The following STAMBP variants were observed in gnomAD, a reference collection of about 807,000 sequenced individuals.
STAMBP encodes STAM binding protein.
STAMBP carries 31 observed loss-of-function variants against 50.7 expected under a neutral mutation model. That is an observed-to-expected ratio of 0.61 (90% CI 0.46 to 0.83). STAMBP has a LOEUF of 0.83. Among genes scored for constraint, STAMBP ranks in the 40% least tolerant of loss-of-function variants. The probability of loss-of-function intolerance (pLI) is 0.00; values close to 1 mark genes in which losing one functional copy is unlikely to be tolerated. For synonymous variants in STAMBP, 211 were observed against 192.4 expected, an observed-to-expected ratio of 1.10 and a Z score of -0.80; for missense variants, 472 against 518.9, an observed-to-expected ratio of 0.91 and a Z score of 0.88.
intron 7 of STAMBP, among the ~76,000 whole-genome samples, chr2:73,857,248 T>C (rs890604291): frequency 2.0e-5 from 3 of 152,148 alleles, no homozygotes; most frequent in African/African-American, 7.2e-5. Context: ...CTTGATGCCT[T>C]CTCGCATCAA....
chr2:73,859,038 TAAC>T (rs1026657589), intron 7 of STAMBP, among the ~76,000 whole-genome samples: 3 of 152,322 alleles, frequency 2.0e-5, no homozygotes, highest in East Asian at 1.9e-4. Context: ...AGGAAGAGAT[TAAC>T]AACAACTATA....
rs562692323 is a variant in STAMBP, at chr2:73,840,831, A to G, written c.204-3982A>G. Among the ~76,000 whole-genome samples the G allele has an allele frequency of 7.9e-5, 12 of 152,260 alleles. No individual in the cohort carries two copies. The East Asian group carries it at 2.1e-3, about 27-fold the overall frequency. ...TACACGTTTTAAATTTTGAATAATTAGCTTCCATTTTCCCTCCCTTAAGAT... is the reference window on the plus strand; with the variant it reads ...TACACGTTTTAAATTTTGAATAATTGGCTTCCATTTTCCCTCCCTTAAGAT... On this transcript the variant is annotated intron_variant, in intron 2 of 9. Coordinates refer to ENST00000394070, the MANE Select transcript of STAMBP (RefSeq NM_213622.4).
At chr2:73,847,781 C>T (rs1381210099) in intron 5 of STAMBP, 28 bp downstream of exon 5, 1 of 1,595,310 alleles carries the variant, frequency 6.3e-7, no homozygotes, top group African/African-American at 1.3e-5. Context: ...TGTCCTCTTC[C>T]TTCTCAGTTG....
intron 7 of STAMBP, among the ~76,000 whole-genome samples, chr2:73,853,614 C>T (rs573121241): frequency 2.6e-5 from 4 of 152,216 alleles, no homozygotes; most frequent in East Asian, 1.9e-4. Flanking sequence ...CCCAGCTACT[C>T]GAGAGGCTGA....
At chr2:73,844,551 T>G in intron 2 of STAMBP, 12 of 235,462 alleles carry the variant, frequency 5.1e-5, no homozygotes, top group Non-Finnish European at 6.5e-5. Context: ...AAGAAAGGCT[T>G]TTTAAAATTT....
At chr2:73,830,742 C>T (rs1313680583) in intron 1 of STAMBP, 103 bp from the exon 2 acceptor site, 2 of 865,176 alleles carry the variant, frequency 2.3e-6, no homozygotes, top group Non-Finnish European at 3.5e-6. Context: ...TGGTATGTTT[C>T]TCTTATATTT....
intron 2 of STAMBP, among the ~76,000 whole-genome samples, chr2:73,834,111 T>C (rs1341837996): frequency 2.0e-5 from 3 of 146,920 alleles, no homozygotes; most frequent in Non-Finnish European, 4.5e-5. Flanking sequence ...CTTGGGAGAC[T>C]GAGGCAGGAG....
chr2:73,872,890 A>G (rs1459644354), intron 10 of STAMBP, among the ~76,000 whole-genome samples: 5 of 152,232 alleles, frequency 3.3e-5, no homozygotes, highest in Non-Finnish European at 7.3e-5. Flanking sequence ...AAAGTAAAAC[A>G]CGTAAACCGT....
Position 73,857,289 on chromosome 2 carries a change from A to T in STAMBP, c.1006-1965A>T, listed in dbSNP as rs116632721. ...TGCGCCTACAGTCCTTCATCCAACC[A>T]GGAATTCCAGAACCCATCAGGTACC... On this transcript the variant is annotated intron_variant, in intron 7 of 9. Coordinates refer to ENST00000394070, the MANE Select transcript of STAMBP (RefSeq NM_213622.4). 4.4e-3 allele frequency among the ~76,000 whole-genome samples: 671 copies of T among 152,182 alleles called. 5 individuals carry two copies. The highest frequency in any genetic ancestry group is 0.015 in the African/African-American group (643 of 41,526).
chr2:73,871,116 A>G (rs1243665731), downstream of STAMBP, among the ~76,000 whole-genome samples: 6 of 152,166 alleles, frequency 3.9e-5, no homozygotes. Context: ...AATGCAGGAT[A>G]AGTTTACACA....
chr2:73,870,422 C>T (rs1573437424), downstream of STAMBP: 1 of 152,346 alleles, frequency 6.6e-6, no homozygotes, highest in East Asian at 1.9e-4. Flanking sequence ...ATGAAGAAGT[C>T]CTGGGTACCC....
chr2:73,871,590 C>T (rs1679202507), downstream of STAMBP, among the ~76,000 whole-genome samples: 1 of 151,592 alleles, frequency 6.6e-6, no homozygotes, highest in Admixed American at 6.6e-5. Context: ...TGACAGAAAA[C>T]TCAATTAAAA....
intron 1 of STAMBP, among the ~76,000 whole-genome samples, 199 bp from the exon 2 acceptor site, chr2:73,830,646 A>G (rs1056241795): frequency 1.3e-5 from 2 of 152,226 alleles, no homozygotes; most frequent in Non-Finnish European, 2.9e-5. Context: ...CTAGTCTGCC[A>G]GTACTCTCAT....
chr2:73,862,022 A>G (rs1678389298), intron 9 of STAMBP, among the ~76,000 whole-genome samples, 181 bp from the exon 10 acceptor site: 2 of 152,200 alleles, frequency 1.3e-5, no homozygotes, highest in South Asian at 4.1e-4. Flanking sequence ...CTGTAATCCC[A>G]GCTACTGGGA....
intron 4 of STAMBP, among the ~76,000 whole-genome samples, 195 bp downstream of exon 4, chr2:73,845,457 G>C (rs971088870): frequency 1.3e-5 from 2 of 152,098 alleles, no homozygotes; most frequent in African/African-American, 4.8e-5. Flanking sequence ...CCTATTTGTC[G>C]AAGAGAGTGA....
intron 9 of STAMBP, among the ~76,000 whole-genome samples, chr2:73,861,962 A>AC (rs940553654): frequency 3.4e-5 from 5 of 148,972 alleles, no homozygotes; most frequent in African/African-American, 1.2e-4. Flanking sequence ...ACATGGCGAA[A>AC]CCCCACCTCT....
intron 9 of STAMBP, among the ~76,000 whole-genome samples, chr2:73,861,508 T>C (rs1272323618): frequency 6.9e-6 from 1 of 144,752 alleles, no homozygotes; most frequent in Admixed American, 6.7e-5. Flanking sequence ...AAGGGTTTTT[T>C]TGTTTTTGTT....
At position 73,860,108 on chromosome 2, in the gene STAMBP, A is replaced by G; in HGVS notation, c.1175A>G (p.Gln392Arg). Residue 392 changes from glutamine (Q) to arginine (R), a missense_variant, in exon 9 of 10, where the codon CAG (glutamine) becomes CGG (arginine). Coordinates refer to ENST00000394070, the MANE Select transcript of STAMBP (RefSeq NM_213622.4). The stretch of plus-strand genomic sequence containing the variant: ...CTAGAGGAGATTTCTTCCTGTCGCC[A>G]GAAAGGATTTCATCCACACAGCAAG... ...HGLEEISSCR[Q>R]KGFHPHSKDP... is the part of the protein sequence containing the mutation. The G allele has an allele frequency of 3.1e-6, 5 of 1,614,008 alleles. No homozygotes were observed. Among genetic ancestry groups the G allele is most frequent in the Non-Finnish European group, 4.2e-6 (5 of 1,179,992 alleles).
At position 73,830,865 on chromosome 2, in the gene STAMBP, C is replaced by T; in HGVS notation, c.9C>T (p.Asp3=). The T allele has an allele frequency of 6.2e-7, 1 of 1,612,884 alleles. No individual in the cohort carries two copies. Among genetic ancestry groups the T allele is most frequent in the East Asian group, 2.2e-5 (1 of 44,890 alleles). The change falls in exon 2 of 10, where the codon GAC becomes GAT. Residue 3 remains aspartate, a synonymous_variant. Transcript: ENST00000394070. MS[D]HGDVSLPPED... is the part of the protein sequence containing the mutation. ...CTCAGAACTTGGTCCTGATGTCTGA[C>T]CATGGAGATGTGAGCCTCCCGCCCG...
Sources: allele counts gnomAD v4.1 joint callset (sites outside exome capture counted in the v4.1 genomes callset), GRCh38; gene constraint gnomAD v4.1.1; transcripts MANE v1.5; gene names NCBI Gene and HGNC (gene_info 2026-07-23, HGNC 2026-07-21).